The following NHS variants were observed in gnomAD, a reference collection of about 807,000 sequenced individuals.
The protein encoded by NHS is NHS actin remodeling regulator.
Under a neutral mutation model 72.5 loss-of-function variants are expected in NHS, and 5 were observed. That is an observed-to-expected ratio of 0.07 (90% CI 0.04 to 0.14). The LOEUF is 0.14. Ranked by LOEUF, NHS falls within the 10% of genes least tolerant of loss-of-function variation. The pLI, the probability that NHS is intolerant of heterozygous loss-of-function variation, is 1.00. For synonymous variants in NHS, 464 were observed against 547.7 expected (o/e 0.85, Z 2.13); for missense variants, 1,072 against 1,355.7 (o/e 0.79, Z 3.29).
At chrX:17,478,216 C>T (rs2064929895) in intron 1 of NHS, among the ~76,000 whole-genome samples, 1 of 111,945 alleles carries the variant, frequency 8.9e-6, no homozygotes, top group African/African-American at 3.2e-5. Flanking sequence ...CACCCACTCC[C>T]TTGTGTCATG....
chrX:17,574,809 C>G (rs966367737), intron 1 of NHS, among the ~76,000 whole-genome samples: 6 of 111,517 alleles, frequency 5.4e-5, no homozygotes, highest in Non-Finnish European at 1.1e-4. Flanking sequence ...TAGATTGGAG[C>G]TGTTCCCATT....
intron 1 of NHS, among the ~76,000 whole-genome samples, chrX:17,600,216 A>G (rs2065642605): frequency 9.0e-6 from 1 of 111,059 alleles, no homozygotes; most frequent in African/African-American, 3.3e-5. Flanking sequence ...CTTGAATAAA[A>G]AAGTTTGCGC....
intron 1 of NHS, among the ~76,000 whole-genome samples, chrX:17,463,372 GTT>G (rs111906837): frequency 0.011 from 1,108 of 105,049 alleles, 15 homozygotes; most frequent in African/African-American, 0.036. Context: ...TAATGGTGGG[GTT>G]TTTTTTTTTC....
At chrX:17,669,671 G>A (rs1404086067) in intron 1 of NHS, among the ~76,000 whole-genome samples, 1 of 112,231 alleles carries the variant, frequency 8.9e-6, no homozygotes, top group Non-Finnish European at 1.9e-5. Context: ...CGGGACAAAG[G>A]AAGGAAGTAG....
chrX:17,418,002 G>A (rs1008007139), intron 1 of NHS, among the ~76,000 whole-genome samples: 1 of 111,820 alleles, frequency 8.9e-6, no homozygotes, highest in African/African-American at 3.3e-5. Flanking sequence ...ACACCCAAGA[G>A]CATGTTCATG....
chrX:17,682,456 G>A (rs958307978), intron 1 of NHS, among the ~76,000 whole-genome samples: 5 of 111,931 alleles, frequency 4.5e-5, no homozygotes, highest in Admixed American at 9.5e-5. Context: ...GCTATGTGTT[G>A]GGGGTGGCTG....
chrX:17,496,561 T>C (rs901301604), intron 1 of NHS, among the ~76,000 whole-genome samples: 4 of 111,228 alleles, frequency 3.6e-5, no homozygotes, highest in Non-Finnish European at 5.7e-5. Flanking sequence ...AACAAAGGGC[T>C]GTGTCAGTGA....
chrX:17,561,484 A>G (rs1413370650), intron 1 of NHS, among the ~76,000 whole-genome samples: 1 of 108,302 alleles, frequency 9.2e-6, no homozygotes, highest in Non-Finnish European at 1.9e-5. Flanking sequence ...AGGAAGAGCC[A>G]AGAGGAGTCT....
intron 1 of NHS, among the ~76,000 whole-genome samples, chrX:17,449,306 G>T (rs1268855468): frequency 3.5e-5 from 4 of 113,244 alleles, no homozygotes; most frequent in Non-Finnish European, 7.5e-5. Context: ...TAGTGTTCGT[G>T]CATTAGGGTC....
intron 1 of NHS, among the ~76,000 whole-genome samples, chrX:17,412,912 C>T (rs2064568549): frequency 8.9e-6 from 1 of 112,308 alleles, no homozygotes; most frequent in African/African-American, 3.2e-5. Flanking sequence ...CGAAAGCAGC[C>T]ATAGACAATA....
At position 17,732,087 on chromosome X, in the gene NHS, C is replaced by T. The variant is rs1490909308; in HGVS notation, c.4579C>T (p.Arg1527Cys). 4.1e-6 allele frequency: 5 copies of T among 1,211,606 alleles called. No individual in the cohort carries two copies. The highest frequency in any genetic ancestry group is 3.5e-5 in the South Asian group (2 of 56,931). ...FKLLLLKKGS[R>C]SDSSYRMSAT... is the part of the protein sequence containing the mutation. ...GCTGTTACTGCTCAAGAAAGGCAGT[C>T]GCTCAGATTCTAGTTACCGCATGTC... Residue 1527 changes from arginine (R) to cysteine (C), a missense_variant, in exon 9 of 9, where the codon CGC becomes TGC. By Grantham distance (180) the Arg-to-Cys change is radical. Coordinates refer to ENST00000676302, the MANE Select transcript of NHS (RefSeq NM_001291867.2).
chrX:17,560,796 A>C (rs989049552), intron 1 of NHS, among the ~76,000 whole-genome samples: 2 of 112,537 alleles, frequency 1.8e-5, no homozygotes, highest in Non-Finnish European at 3.8e-5. Flanking sequence ...CACATTCTTT[A>C]GACATTCAAG....
chrX:17,702,792 T>C (rs1223227191), intron 3 of NHS, among the ~76,000 whole-genome samples: 3 of 112,209 alleles, frequency 2.7e-5, no homozygotes, highest in African/African-American at 9.7e-5. Flanking sequence ...CACAGATGAC[T>C]ATCAGATAAT....
chrX:17,452,157 A>G (rs990406602), intron 1 of NHS, among the ~76,000 whole-genome samples: 12 of 111,714 alleles, frequency 1.1e-4, no homozygotes, highest in African/African-American at 3.6e-4. Context: ...TGTGATGAAC[A>G]TGGTTCCTGC....
chrX:17,662,616 A>C (rs2065987635), intron 1 of NHS, among the ~76,000 whole-genome samples: 1 of 112,093 alleles, frequency 8.9e-6, no homozygotes. Flanking sequence ...TTGCATGCAG[A>C]ATACTAATAG....
In NHS at chrX:17,376,951, T is replaced by C. The variant is rs190614722; in HGVS notation, c.565+629T>C. On this transcript the variant is annotated intron_variant, in intron 1 of 8. Transcript: ENST00000676302. ...TTCGTAGTGCTTCTGCCGAAAACCC[T>C]TGTGGCCCGGAGGGGCCGCGGGGAG... 2.7e-4 allele frequency among the ~76,000 whole-genome samples: 30 copies of C among 113,026 alleles called. No homozygotes were observed. The East Asian group carries it at 8.4e-3, about 32-fold the overall frequency.
At chrX:17,534,058 G>A (rs2065211292) in intron 1 of NHS, among the ~76,000 whole-genome samples, 1 of 110,995 alleles carries the variant, frequency 9.0e-6, no homozygotes, top group Admixed American at 9.6e-5. Context: ...CCTACTGAGA[G>A]GAAGAAAGCC....
chrX:17,491,404 T>G (rs1292510535), intron 1 of NHS, among the ~76,000 whole-genome samples: 2 of 112,036 alleles, frequency 1.8e-5, no homozygotes, highest in Non-Finnish European at 3.8e-5. Flanking sequence ...TTGGTTCTGT[T>G]TTTGTGATGG....
At chrX:17,656,347 G>A (rs1423990003) in intron 1 of NHS, among the ~76,000 whole-genome samples, 1 of 113,482 alleles carries the variant, frequency 8.8e-6, no homozygotes, top group African/African-American at 3.2e-5. Context: ...TCCGCGACTC[G>A]CAGCCCAGGC....
Sources: gnomAD v4.1 joint callset for allele counts (sites outside exome capture counted in the v4.1 genomes callset) on GRCh38, gnomAD v4.1.1 for gene constraint, MANE v1.5 for transcripts, NCBI Gene and HGNC (gene_info 2026-07-23, HGNC 2026-07-21) for gene names.